NELL1: variants seen among roughly 807,000 people sequenced by gnomAD.
NELL1 encodes the protein protein kinase C-binding protein NELL1.
Under a neutral mutation model 107.4 loss-of-function variants are expected in NELL1, and 76 were observed. That is an observed-to-expected ratio of 0.71 (90% CI 0.59 to 0.86). NELL1 has a LOEUF of 0.86. Among genes scored for constraint, NELL1 ranks in the 40% least tolerant of loss-of-function variants. The pLI is 0.00. For missense variants in NELL1, 1,024 were observed against 1,005.5 expected (o/e 1.02, Z -0.25); for synonymous variants, 353 against 341.2 (o/e 1.03, Z -0.38).
chr11:21,344,609 G>A (rs1850645977), intron 14 of NELL1, among the ~76,000 whole-genome samples: 1 of 152,020 alleles, frequency 6.6e-6, no homozygotes, highest in African/African-American at 2.4e-5. Context: ...TGGGATAGAT[G>A]GTATAAAGAG....
At chr11:20,918,145 G>A (rs751542523) in intron 5 of NELL1, 37 bp from the exon 6 acceptor site, 1 of 1,203,964 alleles carries the variant, frequency 8.3e-7, no homozygotes, top group East Asian at 2.3e-5. Context: ...GCTGGTGACT[G>A]TAATCTTGAT....
rs542378563 is a variant in NELL1, at chr11:21,160,635, A to G, written c.1426+46921A>G. ...AACATTTGAAATTTCCTTTTGTTTA[A>G]AGGAAACAAATGGAGCTTTCATAAA... On this transcript the variant is annotated intron_variant, in intron 13 of 19. Coordinates refer to ENST00000357134, the MANE Select transcript of NELL1 (RefSeq NM_006157.5). Among the ~76,000 whole-genome samples the G allele has an allele frequency of 4.8e-4, 73 of 152,296 alleles. 1 individual carries two copies. Among genetic ancestry groups the G allele is most frequent in the African/African-American group, 1.7e-3 (70 of 41,570 alleles).
At chr11:21,333,040 A>C (rs979878726) in intron 14 of NELL1, among the ~76,000 whole-genome samples, 2 of 152,024 alleles carry the variant, frequency 1.3e-5, no homozygotes, top group African/African-American at 4.8e-5. Flanking sequence ...GTCATTTTTC[A>C]TTATTTTAGA....
chr11:21,107,269 C>T (rs2046715810), intron 12 of NELL1, among the ~76,000 whole-genome samples: 1 of 152,102 alleles, frequency 6.6e-6, no homozygotes, highest in South Asian at 2.1e-4. Context: ...AGTATTTTCA[C>T]TGCCCTAAAA....
intron 15 of NELL1, among the ~76,000 whole-genome samples, chr11:21,400,267 CTGT>C (rs754981862): frequency 6.7e-4 from 101 of 151,878 alleles, no homozygotes; most frequent in African/African-American, 2.2e-3. Flanking sequence ...TCATTCTAGT[CTGT>C]TGTTGTTGTT....
chr11:20,694,816 T>A (rs904226188), intron 2 of NELL1, among the ~76,000 whole-genome samples: 4 of 152,054 alleles, frequency 2.6e-5, no homozygotes, highest in East Asian at 3.9e-4. Flanking sequence ...GGTTTTTTTT[T>A]AATTCTATGA....
At chr11:20,707,884 G>T (rs190433271) in intron 2 of NELL1, among the ~76,000 whole-genome samples, 163 of 152,310 alleles carry the variant, frequency 1.1e-3, no homozygotes, top group Non-Finnish European at 1.2e-4. Flanking sequence ...GTCAGACAGG[G>T]ACGTTTAAGT....
At chr11:21,495,359 TA>T (rs1403493270) in intron 15 of NELL1, among the ~76,000 whole-genome samples, 1 of 152,176 alleles carries the variant, frequency 6.6e-6, no homozygotes, top group Non-Finnish European at 1.5e-5. Flanking sequence ...TATGGCCGAA[TA>T]ATATTCTATT....
At chr11:20,730,538 T>C (rs1204391555) in intron 2 of NELL1, among the ~76,000 whole-genome samples, 3 of 152,196 alleles carry the variant, frequency 2.0e-5, no homozygotes, top group South Asian at 4.1e-4. Flanking sequence ...TAGACCTCTT[T>C]GATACCACAC....
chr11:21,283,400 G>A (rs1436129536), intron 14 of NELL1, among the ~76,000 whole-genome samples: 1 of 152,136 alleles, frequency 6.6e-6, no homozygotes, highest in Non-Finnish European at 1.5e-5. Flanking sequence ...TAGTGGAAGA[G>A]GTTGTGCTTA....
intron 3 of NELL1, among the ~76,000 whole-genome samples, chr11:20,817,108 G>A (rs796794856): frequency 8.5e-5 from 13 of 152,102 alleles, no homozygotes; most frequent in African/African-American, 2.9e-4. Flanking sequence ...TTCATTTTTT[G>A]TTGTGTCTTT....
chr11:21,238,875 A>G (rs1030232155), intron 14 of NELL1, among the ~76,000 whole-genome samples: 2 of 152,082 alleles, frequency 1.3e-5, no homozygotes, highest in Non-Finnish European at 2.9e-5. Flanking sequence ...AAGTGACTAA[A>G]TTGTTGAAAA....
At chr11:21,560,131 G>T in intron 16 of NELL1, 58 bp from the exon 17 acceptor site, 1 of 1,517,106 alleles carries the variant, frequency 6.6e-7, no homozygotes, top group Non-Finnish European at 9.2e-7. Context: ...AATGATGGTT[G>T]TTTGTTCTCT....
chr11:21,037,569 T>G (rs962769530), intron 12 of NELL1, among the ~76,000 whole-genome samples: 3 of 152,196 alleles, frequency 2.0e-5, no homozygotes, highest in African/African-American at 7.2e-5. Flanking sequence ...ACATTGCATA[T>G]GCATAGAGCC....
intron 15 of NELL1, among the ~76,000 whole-genome samples, chr11:21,443,566 G>A (rs1470803040): frequency 6.6e-6 from 1 of 151,360 alleles, no homozygotes; most frequent in African/African-American, 2.4e-5. Flanking sequence ...AAATGGAAAT[G>A]GGAGTTTATT....
intron 14 of NELL1, among the ~76,000 whole-genome samples, chr11:21,322,710 T>C (rs4310609): frequency 0.5 from 75,917 of 151,826 alleles, 19,335 homozygotes; most frequent in Non-Finnish European, 0.52. Flanking sequence ...CCTGGTTCCA[T>C]GAAACCAGAC....
At chr11:20,688,181 T>A (rs1480776336) in intron 2 of NELL1, among the ~76,000 whole-genome samples, 1 of 95,576 alleles carries the variant, frequency 1.0e-5, no homozygotes, top group Non-Finnish European at 2.3e-5. Flanking sequence ...GAGAGAGAAC[T>A]TTTTTTTTAT....
At chr11:20,828,560 T>C (rs1857934921) in intron 3 of NELL1, among the ~76,000 whole-genome samples, 1 of 152,162 alleles carries the variant, frequency 6.6e-6, no homozygotes, top group Non-Finnish European at 1.5e-5. Context: ...TCGCTGCAGG[T>C]AAGGGATTTG....
chr11:21,319,630 C>T (rs1315016518), intron 14 of NELL1, among the ~76,000 whole-genome samples: 1 of 151,556 alleles, frequency 6.6e-6, no homozygotes, highest in Non-Finnish European at 1.5e-5. Context: ...GCGTGTGTCA[C>T]CGCGCCCAGC....
Sources: gnomAD v4.1 joint callset for allele counts (sites outside exome capture counted in the v4.1 genomes callset) on GRCh38, gnomAD v4.1.1 for gene constraint, MANE v1.5 for transcripts, NCBI Gene and HGNC (gene_info 2026-07-23, HGNC 2026-07-21) for gene names.